GALNT11: variants seen among roughly 807,000 people sequenced by gnomAD.
GALNT11 encodes the protein polypeptide N-acetylgalactosaminyltransferase 11.
A neutral mutation model predicts 72.7 loss-of-function variants in GALNT11; 47 were observed. The ratio of observed to expected loss-of-function variants is 0.65; its 90% confidence interval spans 0.51 to 0.82. The LOEUF (loss-of-function observed/expected upper bound fraction) is 0.82, where lower values mean the gene tolerates loss of function less well. Among genes scored for constraint, GALNT11 ranks in the 40% least tolerant of loss-of-function variants. GALNT11 has a pLI of 0.00. For synonymous variants in GALNT11, 270 were observed against 286.6 expected, an observed-to-expected ratio of 0.94 and a Z score of 0.58; for missense variants, 677 against 778.4, an observed-to-expected ratio of 0.87 and a Z score of 1.55.
intron 1 of GALNT11, among the ~76,000 whole-genome samples, chr7:152,091,343 C>T (rs1225725519): frequency 2.0e-5 from 3 of 151,880 alleles, no homozygotes; most frequent in South Asian, 2.1e-4. Flanking sequence ...CGGGTTCAAG[C>T]GATTCTCCTG....
In GALNT11 at chr7:152,105,286, C is replaced by T. The variant is rs1325963989; in HGVS notation, c.628C>T (p.Leu210Phe). 1.9e-6 allele frequency: 3 copies of T among 1,613,584 alleles called. No individual in the cohort carries two copies. The highest frequency in any genetic ancestry group is 2.5e-6 in the Non-Finnish European group (3 of 1,179,844). Residue 210 changes from leucine to phenylalanine, a missense_variant, in exon 5 of 12, where the codon CTC (leucine) becomes TTC (phenylalanine). Leu to Phe is a conservative substitution (Grantham distance 22). Transcript: ENST00000430044. ...ACTAGATGAATATGTCCAAAAATAC[C>T]TCCCTGGAAAAATTAAAGTCATAAG... is the stretch of plus-strand genomic sequence containing the variant. ...GELDEYVQKY[L>F]PGKIKVIRNT...
chr7:152,038,192 C>A (rs1377352093), intron 1 of GALNT11, among the ~76,000 whole-genome samples: 1 of 152,140 alleles, frequency 6.6e-6, no homozygotes, highest in Non-Finnish European at 1.5e-5. Context: ...AAGACACACA[C>A]ACAGAAATAT....
intron 11 of GALNT11, 150 bp downstream of exon 11, chr7:152,121,118 C>T: frequency 3.5e-6 from 3 of 846,424 alleles, no homozygotes; most frequent in Non-Finnish European, 5.4e-6. Context: ...GTAGTACAAA[C>T]CCTGTATATA....
intron 1 of GALNT11, among the ~76,000 whole-genome samples, chr7:152,071,364 C>T (rs1005712467): frequency 2.0e-5 from 3 of 152,174 alleles, no homozygotes; most frequent in African/African-American, 7.2e-5. Flanking sequence ...AAAAAGAATT[C>T]AGCGATATTT....
intron 1 of GALNT11, among the ~76,000 whole-genome samples, chr7:152,028,027 G>A (rs1324902182): frequency 6.6e-6 from 1 of 152,214 alleles, no homozygotes; most frequent in Admixed American, 6.5e-5. Context: ...TGGTCTCACT[G>A]ACTTCAGGAG....
At chr7:152,088,519 T>TG (rs971722747) in intron 1 of GALNT11, among the ~76,000 whole-genome samples, 2 of 151,642 alleles carry the variant, frequency 1.3e-5, no homozygotes, top group African/African-American at 4.8e-5. Context: ...TTTCAGGGTT[T>TG]TTTTTTTTTT....
rs538858988 is a variant in GALNT11, at chr7:152,032,360, G to A, written c.-39+6476G>A. ...ATAGTGCAGGGGAATACAGAAGAAG[G>A]CATCCTTGAGGTCCAGAACAGGGAA... On this transcript the variant is annotated intron_variant, in intron 1 of 11. Coordinates refer to ENST00000430044, the MANE Select transcript of GALNT11 (RefSeq NM_022087.4). 3.9e-5 allele frequency among the ~76,000 whole-genome samples: 6 copies of A among 152,282 alleles called. No individual in the cohort carries two copies. The South Asian group carries it at 1.2e-3, about 32-fold the overall frequency.
chr7:152,088,082 G>T (rs573063129), intron 1 of GALNT11, among the ~76,000 whole-genome samples: 1 of 152,312 alleles, frequency 6.6e-6, no homozygotes, highest in East Asian at 1.9e-4. Flanking sequence ...TTCCCATTTA[G>T]CATAGCTGGC....
intron 5 of GALNT11, among the ~76,000 whole-genome samples, chr7:152,106,920 C>G (rs893448306): frequency 6.6e-6 from 1 of 152,164 alleles, no homozygotes; most frequent in Non-Finnish European, 1.5e-5. Flanking sequence ...TTGGTCTCAC[C>G]TCACCCCCAC....
chr7:152,075,378 C>T (rs998155765), intron 1 of GALNT11, among the ~76,000 whole-genome samples: 1 of 152,242 alleles, frequency 6.6e-6, no homozygotes, highest in African/African-American at 2.4e-5. Flanking sequence ...GTGCTTTAGA[C>T]ACATAGGCTC....
At position 152,042,488 on chromosome 7, in the gene GALNT11, T is replaced by C. The variant is rs192266273; in HGVS notation, c.-39+16604T>C. ...CCAGTTTCTCTTTACTCAGCGGCCA[T>C]TGTTCTGTCCAAATTGGCTTATCTG... On this transcript the variant is annotated intron_variant, in intron 1 of 11. Coordinates refer to ENST00000430044, the MANE Select transcript of GALNT11 (RefSeq NM_022087.4). Among the ~76,000 whole-genome samples, 409 of 152,330 alleles carry C rather than the reference T, an allele frequency of 2.7e-3. 4 individuals carry two copies. Among genetic ancestry groups the C allele is most frequent in the Middle Eastern group, 0.02 (6 of 294 alleles).
intron 5 of GALNT11, among the ~76,000 whole-genome samples, chr7:152,106,693 A>G (rs1378305664): frequency 1.3e-5 from 2 of 152,226 alleles, no homozygotes; most frequent in East Asian, 3.9e-4. Context: ...TTAGATAGCA[A>G]TAGCTATTTA....
chr7:152,117,407 G>T, intron 9 of GALNT11, 32 bp downstream of exon 9: 1 of 1,607,978 alleles, frequency 6.2e-7, no homozygotes. Context: ...AGTGGCTTAT[G>T]AAAAGCGTTT....
At chr7:152,027,894 T>G (rs2082105403) in intron 1 of GALNT11, among the ~76,000 whole-genome samples, 1 of 151,372 alleles carries the variant, frequency 6.6e-6, no homozygotes, top group Non-Finnish European at 1.5e-5. Context: ...TGGAGTTGTT[T>G]TTTCCTCCCA....
chr7:152,063,768 G>A (rs1402824308), intron 1 of GALNT11, among the ~76,000 whole-genome samples: 4 of 152,232 alleles, frequency 2.6e-5, no homozygotes, highest in South Asian at 2.1e-4. Flanking sequence ...GTAGTTGAGC[G>A]GTTTTGAGTG....
intron 1 of GALNT11, among the ~76,000 whole-genome samples, chr7:152,074,733 C>G (rs1271456901): frequency 6.6e-6 from 1 of 152,184 alleles, no homozygotes; most frequent in African/African-American, 2.4e-5. Flanking sequence ...CATAGGTTCA[C>G]TCTTACAGTG....
intron 6 of GALNT11, among the ~76,000 whole-genome samples, chr7:152,109,599 C>T (rs1320563052): frequency 6.6e-6 from 1 of 152,194 alleles, no homozygotes; most frequent in African/African-American, 2.4e-5. Context: ...GAAACCCCTT[C>T]ATATCTGTTT....
Position 152,120,870 on chromosome 7 carries a change from A to T in GALNT11, c.1597A>T (p.Ser533Cys). 6.2e-7 allele frequency: 1 copy of T among 1,612,640 alleles called. No homozygotes were observed. Among genetic ancestry groups the T allele is most frequent in the East Asian group, 2.2e-5 (1 of 44,874 alleles). The change falls in exon 11 of 12, where the codon AGT becomes TGT. Residue 533 changes from serine to cysteine, a missense_variant. Physicochemically the swap from Ser to Cys is moderately radical, Grantham distance 112. Coordinates refer to ENST00000430044, the MANE Select transcript of GALNT11 (RefSeq NM_022087.4). ...TGAAGAGCATGAATTGGTTTTAAAT[A>T]GTCTCCTTTGTCTAGATATGTCAGA... ...YNEEHELVLN[S>C]LLCLDMSETR... is the part of the protein sequence containing the mutation.
intron 1 of GALNT11, among the ~76,000 whole-genome samples, chr7:152,034,055 G>C (rs2082436423): frequency 6.6e-6 from 1 of 152,166 alleles, no homozygotes; most frequent in African/African-American, 2.4e-5. Flanking sequence ...AAATCAGAGA[G>C]GGAGAAAGGG....
Sources: gnomAD v4.1 joint callset for allele counts (sites outside exome capture counted in the v4.1 genomes callset) on GRCh38, gnomAD v4.1.1 for gene constraint, MANE v1.5 for transcripts, NCBI Gene and HGNC (gene_info 2026-07-23, HGNC 2026-07-21) for gene names.